Variants in UBE2G1 observed in about 807,000 individuals in gnomAD.
UBE2G1 encodes the protein ubiquitin-conjugating enzyme E2 G1.
In UBE2G1, 5 loss-of-function variants were observed where a neutral mutation model predicts 22.7. The ratio of observed to expected loss-of-function variants is 0.22; its 90% CI spans 0.12 to 0.46. The LOEUF (loss-of-function observed/expected upper bound fraction) is 0.46, where lower values mean the gene tolerates loss of function less well. UBE2G1 is among the 20% of genes least tolerant of loss of function. The pLI is 0.99. For missense variants in UBE2G1, 88 were observed against 203.9 expected (o/e 0.43, Z 3.46); for synonymous variants, 74 against 67.5 (o/e 1.10, Z -0.47).
chr17:4,298,529 G>A (rs1192460487), intron 2 of UBE2G1, among the ~76,000 whole-genome samples: 5 of 152,050 alleles, frequency 3.3e-5, no homozygotes, highest in African/African-American at 1.2e-4. Context: ...TAAGACATGG[G>A]GAAGGTGCAG....
intron 3 of UBE2G1, among the ~76,000 whole-genome samples, chr17:4,289,610 C>A (rs557052074): frequency 6.6e-6 from 1 of 152,290 alleles, no homozygotes; most frequent in East Asian, 1.9e-4. Flanking sequence ...ATCCATCTGA[C>A]AAACCCAATA....
At chr17:4,299,050 C>A (rs1413255452) in intron 2 of UBE2G1, among the ~76,000 whole-genome samples, 10 of 152,156 alleles carry the variant, frequency 6.6e-5, no homozygotes, top group African/African-American at 2.2e-4. Context: ...GTTTTTCAAA[C>A]AGGGCTGCAA....
At chr17:4,300,752 C>T (rs1474954725) in intron 2 of UBE2G1, among the ~76,000 whole-genome samples, 1 of 151,428 alleles carries the variant, frequency 6.6e-6, no homozygotes, top group African/African-American at 2.4e-5. Flanking sequence ...ATCATGAGGT[C>T]AGGAGTTCAA....
At chr17:4,330,890 C>A (rs560088241) in intron 1 of UBE2G1, among the ~76,000 whole-genome samples, 2 of 151,212 alleles carry the variant, frequency 1.3e-5, no homozygotes, top group Non-Finnish European at 3.0e-5. Flanking sequence ...AGCCACTGTG[C>A]CCTGGCCAGA....
intron 3 of UBE2G1, among the ~76,000 whole-genome samples, chr17:4,293,255 G>A (rs1193636304): frequency 1.3e-5 from 2 of 152,064 alleles, no homozygotes; most frequent in Admixed American, 6.6e-5. Context: ...TTTTACGACT[G>A]ACTTTGTTCA....
intron 1 of UBE2G1, among the ~76,000 whole-genome samples, chr17:4,357,526 G>GGGTA: frequency 8.2e-6 from 1 of 121,798 alleles, no homozygotes; most frequent in African/African-American, 3.2e-5. Flanking sequence ...GGGGGTGGGT[G>GGGTA]TATAACTCTA....
intron 3 of UBE2G1, among the ~76,000 whole-genome samples, chr17:4,295,038 GC>G (rs1439179388): frequency 1.3e-5 from 2 of 152,152 alleles, no homozygotes; most frequent in African/African-American, 4.8e-5. Flanking sequence ...CTAGCTTAAG[GC>G]TCCAACAGGG....
chr17:4,364,286 T>G (rs890015826), intron 1 of UBE2G1: 1 of 113,860 alleles, frequency 8.8e-6, no homozygotes, highest in Non-Finnish European at 1.7e-5. Flanking sequence ...AAAAATGCAA[T>G]AAAGTTCTTT....
chr17:4,310,720 A>G (rs1969300117), intron 1 of UBE2G1, among the ~76,000 whole-genome samples: 1 of 152,220 alleles, frequency 6.6e-6, no homozygotes, highest in African/African-American at 2.4e-5. Flanking sequence ...GCAAAAACCA[A>G]TCTTGTAGTA....
rs538499622 is a variant in UBE2G1 at position 4,337,637 on chromosome 17, G to C, written c.46+28634C>G. Among the ~76,000 whole-genome samples the C allele has an allele frequency of 3.4e-5, 5 of 145,970 alleles. No individual in the cohort carries two copies. In the East Asian group the frequency reaches 1.0e-3, roughly 29 times the overall value. On this transcript the variant is annotated intron_variant, in intron 1 of 5. Transcript: ENST00000396981. ...CACTGCACTCCAGCCTGGGCAACAAGAGCGAAACTCGGTCTCAAAAAAAAA... is the reference window on the plus strand; with the variant it reads ...CACTGCACTCCAGCCTGGGCAACAACAGCGAAACTCGGTCTCAAAAAAAAA...
chr17:4,336,157 A>C (rs908935957), intron 1 of UBE2G1, among the ~76,000 whole-genome samples: 1 of 152,178 alleles, frequency 6.6e-6, no homozygotes, highest in Non-Finnish European at 1.5e-5. Flanking sequence ...AAAGAAAAGA[A>C]AAGAAAGAAA....
chr17:4,340,915 A>C (rs991299422), intron 1 of UBE2G1, among the ~76,000 whole-genome samples: 1 of 151,186 alleles, frequency 6.6e-6, no homozygotes, highest in Non-Finnish European at 1.5e-5. Context: ...AAAAAAAACA[A>C]AACCTTCAAA....
chr17:4,338,162 T>C (rs1363537984), intron 1 of UBE2G1, among the ~76,000 whole-genome samples: 2 of 141,064 alleles, frequency 1.4e-5, no homozygotes, highest in East Asian at 2.0e-4. Flanking sequence ...AGAGCGAGAC[T>C]CCATCTCAAA....
intron 1 of UBE2G1, among the ~76,000 whole-genome samples, chr17:4,314,355 T>G (rs1047729205): frequency 1.2e-4 from 19 of 152,220 alleles, no homozygotes; most frequent in Non-Finnish European, 2.4e-4. Context: ...TATGGGACAA[T>G]TTGAGTGTCA....
intron 1 of UBE2G1, among the ~76,000 whole-genome samples, chr17:4,309,521 CAT>C (rs547310625): frequency 2.6e-5 from 4 of 152,222 alleles, no homozygotes; most frequent in Admixed American, 2.0e-4. Flanking sequence ...TTTATGCACG[CAT>C]ATGTGTACTG....
intron 1 of UBE2G1, among the ~76,000 whole-genome samples, chr17:4,344,307 G>A (rs941659993): frequency 1.3e-5 from 2 of 152,108 alleles, no homozygotes; most frequent in Non-Finnish European, 2.9e-5. Flanking sequence ...TTGGGAGGCC[G>A]AGGCAGGCGG....
At position 4,270,381 on chromosome 17, in the gene UBE2G1, T is replaced by A. The variant is rs1166016969; in HGVS notation, c.*2173A>T. ...TTTTAAAAGGGAGGGATCCCATCTCTTAAAAGAATTTTTTTGTATTAGCCA... is the reference window on the plus strand; with the variant it reads ...TTTTAAAAGGGAGGGATCCCATCTCATAAAAGAATTTTTTTGTATTAGCCA... On this transcript the variant is annotated 3_prime_UTR_variant, in exon 6 of 6. Transcript: ENST00000396981. 6.6e-6 allele frequency: 1 copy of A among 152,182 alleles called. No individual in the cohort carries two copies. The highest frequency in any genetic ancestry group is 2.4e-5 in the African/African-American group (1 of 41,408). 9.4% of individuals were successfully genotyped at this position (152,182 alleles called of 1,614,324 possible).
chr17:4,345,435 G>C (rs1391192050), intron 1 of UBE2G1, among the ~76,000 whole-genome samples: 1 of 151,998 alleles, frequency 6.6e-6, no homozygotes, highest in Non-Finnish European at 1.5e-5. Flanking sequence ...ACTCTGAAAG[G>C]CACTTTTAAA....
At chr17:4,346,778 A>C (rs1969780863) in intron 1 of UBE2G1, among the ~76,000 whole-genome samples, 1 of 152,006 alleles carries the variant, frequency 6.6e-6, no homozygotes, top group South Asian at 2.1e-4. Context: ...AGACAGAGGA[A>C]ACTTAAACTC....
Sources: allele counts gnomAD v4.1 joint callset (sites outside exome capture counted in the v4.1 genomes callset), GRCh38; gene constraint gnomAD v4.1.1; transcripts MANE v1.5; gene names NCBI Gene and HGNC (gene_info 2026-07-23, HGNC 2026-07-21).